CNTN5: variants seen among roughly 807,000 people sequenced by gnomAD.
The protein encoded by CNTN5 is contactin 5.
In CNTN5, 77 loss-of-function variants were observed where a neutral mutation model predicts 129.1. The observed-to-expected ratio is 0.60, with a 90% confidence interval of 0.50 to 0.72. The LOEUF is 0.72. CNTN5 is among the 30% of genes least tolerant of loss of function. The pLI, the probability that CNTN5 is intolerant of heterozygous loss-of-function variation, is 0.00. For missense variants in CNTN5, 1,478 were observed against 1,328.8 expected (o/e 1.11, Z -1.75); for synonymous variants, 509 against 465.6 (o/e 1.09, Z -1.20).
At chr11:99,398,995 A>G (rs868637638) in intron 2 of CNTN5, among the ~76,000 whole-genome samples, 7 of 151,896 alleles carry the variant, frequency 4.6e-5, no homozygotes, top group African/African-American at 1.7e-4. Flanking sequence ...GTCCTCTCCA[A>G]ATTCTTCCCC....
At chr11:99,746,133 C>A (rs1944048505) in intron 3 of CNTN5, among the ~76,000 whole-genome samples, 2 of 152,180 alleles carry the variant, frequency 1.3e-5, no homozygotes, top group Admixed American at 1.3e-4. Flanking sequence ...TGGGGTCATA[C>A]TAAAAAAATC....
chr11:99,790,413 C>T (rs185037516), intron 3 of CNTN5, among the ~76,000 whole-genome samples: 1 of 151,596 alleles, frequency 6.6e-6, no homozygotes, highest in East Asian at 2.0e-4. Context: ...ACTTGTAAGA[C>T]CATGCTGTAT....
At chr11:100,260,546 A>G (rs183450861) in intron 17 of CNTN5, among the ~76,000 whole-genome samples, 110 of 152,358 alleles carry the variant, frequency 7.2e-4, no homozygotes, top group African/African-American at 1.9e-3. Context: ...AGAATCCTCA[A>G]TAAAATACTG....
At chr11:99,374,815 C>T (rs2136141990) in intron 2 of CNTN5, among the ~76,000 whole-genome samples, 1 of 141,986 alleles carries the variant, frequency 7.0e-6, no homozygotes, top group African/African-American at 2.4e-5. Context: ...ATATTGGTGC[C>T]ACCAAATGCA....
chr11:100,234,098 C>T (rs1310051897), intron 16 of CNTN5, among the ~76,000 whole-genome samples: 1 of 152,060 alleles, frequency 6.6e-6, no homozygotes, highest in Non-Finnish European at 1.5e-5. Context: ...AATGAGATAC[C>T]ATCTCATGCC....
intron 14 of CNTN5, among the ~76,000 whole-genome samples, chr11:100,192,412 GTGACATTCCTGTCCCAGGATTCCAT>G (rs796391187): frequency 1.3e-5 from 2 of 152,132 alleles, no homozygotes; most frequent in African/African-American, 4.8e-5. Flanking sequence ...AATATTTACA[GTGACATTCCTGTCCCAGGATTCCAT>G]TTTTTTCTCA....
Position 99,156,505 on chromosome 11 carries a change from T to C in CNTN5, c.-210+135235T>C, listed in dbSNP as rs566265044. 7.2e-5 allele frequency among the ~76,000 whole-genome samples: 11 copies of C among 152,174 alleles called. No homozygotes were observed. The East Asian group carries it at 7.7e-4, about 11-fold the overall frequency. On this transcript the variant is annotated intron_variant, in intron 1 of 24. Transcript: ENST00000524871. ...CCTTTTTAGAACATTCATGACATCATTAAAATTTTTAGCTTATATATATTT... is the reference window on the plus strand; with the variant it reads ...CCTTTTTAGAACATTCATGACATCACTAAAATTTTTAGCTTATATATATTT...
intron 2 of CNTN5, among the ~76,000 whole-genome samples, chr11:99,437,310 G>A (rs147999759): frequency 0.014 from 2,075 of 152,170 alleles, 24 homozygotes; most frequent in Middle Eastern, 0.038. Flanking sequence ...TGGTTTTGCC[G>A]CTTTATGTTT....
At chr11:100,253,558 T>G (rs554677583) in intron 16 of CNTN5, among the ~76,000 whole-genome samples, 13 of 152,266 alleles carry the variant, frequency 8.5e-5, no homozygotes, top group African/African-American at 2.9e-4. Flanking sequence ...TACAATACAG[T>G]GAGATTATCA....
At chr11:99,954,870 A>C (rs1242158866) in intron 7 of CNTN5, among the ~76,000 whole-genome samples, 1 of 152,168 alleles carries the variant, frequency 6.6e-6, no homozygotes, top group East Asian at 1.9e-4. Context: ...AACTTACTTG[A>C]AGAACTAAAT....
intron 1 of CNTN5, among the ~76,000 whole-genome samples, chr11:99,202,739 C>T (rs1859272995): frequency 6.6e-6 from 1 of 151,106 alleles, no homozygotes; most frequent in Non-Finnish European, 1.5e-5. Flanking sequence ...TGACTGTAAA[C>T]ATTGTGGTAT....
At chr11:99,352,517 CT>C (rs1455630832) in intron 2 of CNTN5, among the ~76,000 whole-genome samples, 1 of 151,868 alleles carries the variant, frequency 6.6e-6, no homozygotes, top group East Asian at 1.9e-4. Flanking sequence ...ATTTTCTTTT[CT>C]TTTTTTTCTA....
intron 1 of CNTN5, among the ~76,000 whole-genome samples, chr11:99,039,913 T>C (rs1276911959): frequency 6.6e-6 from 1 of 152,134 alleles, no homozygotes; most frequent in Admixed American, 6.5e-5. Context: ...GAGCTCAGAG[T>C]ATTAAGAAAA....
At chr11:100,029,015 C>T (rs1269144331) in intron 9 of CNTN5, among the ~76,000 whole-genome samples, 1 of 151,770 alleles carries the variant, frequency 6.6e-6, no homozygotes, top group Non-Finnish European at 1.5e-5. Flanking sequence ...TGCCCGGAGG[C>T]CACAAAATTT....
intron 1 of CNTN5, among the ~76,000 whole-genome samples, chr11:99,126,169 T>C (rs947956111): frequency 1.3e-5 from 2 of 152,180 alleles, no homozygotes; most frequent in African/African-American, 4.8e-5. Context: ...ACAGATTCAG[T>C]AAAAAATGTC....
chr11:100,132,920 TAAA>T (rs1271509810), intron 13 of CNTN5, among the ~76,000 whole-genome samples: 3 of 152,102 alleles, frequency 2.0e-5, no homozygotes, highest in South Asian at 4.1e-4. Flanking sequence ...GATTTGCAAA[TAAA>T]AAGGCAACTC....
intron 2 of CNTN5, among the ~76,000 whole-genome samples, chr11:99,412,247 T>C (rs1252589145): frequency 1.3e-5 from 2 of 152,190 alleles, no homozygotes; most frequent in Non-Finnish European, 2.9e-5. Flanking sequence ...TACTGTACAT[T>C]GGTGAGGGAC....
intron 6 of CNTN5, among the ~76,000 whole-genome samples, chr11:99,853,939 A>G (rs1320200500): frequency 6.6e-6 from 1 of 152,142 alleles, no homozygotes; most frequent in East Asian, 1.9e-4. Context: ...CAAACTTCCT[A>G]CTTAAAATCT....
chr11:99,880,867 T>G (rs1177712707), intron 6 of CNTN5, among the ~76,000 whole-genome samples: 1 of 152,150 alleles, frequency 6.6e-6, no homozygotes, highest in African/African-American at 2.4e-5. Context: ...CATCTATTTG[T>G]GAGGAAGCAC....
Sources: gnomAD v4.1 joint callset for allele counts (sites outside exome capture counted in the v4.1 genomes callset) on GRCh38, gnomAD v4.1.1 for gene constraint, MANE v1.5 for transcripts, NCBI Gene and HGNC (gene_info 2026-07-23, HGNC 2026-07-21) for gene names.